The following RARS2 variants were observed in gnomAD, a reference collection of about 807,000 sequenced individuals.
RARS2 encodes the protein arginyl-tRNA synthetase 2, mitochondrial, also known as probable arginine--tRNA ligase, mitochondrial.
A neutral mutation model predicts 88.5 loss-of-function variants in RARS2; 67 were observed. That is an observed-to-expected ratio of 0.76 (90% CI 0.62 to 0.93). RARS2 has a LOEUF of 0.93. RARS2 is among the 40% of genes least tolerant of loss of function. The pLI is 0.00. For missense variants in RARS2, 664 were observed against 684.2 expected (o/e 0.97, Z 0.33); for synonymous variants, 239 against 230.3 (o/e 1.04, Z -0.34).
At chr6:87,521,551 A>C (rs1229513028) in intron 11 of RARS2, 27 bp from the exon 12 acceptor site, 5 of 1,579,856 alleles carry the variant, frequency 3.2e-6, no homozygotes, top group Non-Finnish European at 3.5e-6. Context: ...ATAAACCAAG[A>C]GTTACTAAGC....
At chr6:87,569,382 A>G in intron 2 of RARS2, 135 bp downstream of exon 2, 2 of 697,896 alleles carry the variant, frequency 2.9e-6, no homozygotes, top group South Asian at 3.4e-5. Context: ...TAGGCTGAGT[A>G]TAATGAATCA....
At chr6:87,541,443 C>T (rs1462789577) in intron 8 of RARS2, among the ~76,000 whole-genome samples, 1 of 152,100 alleles carries the variant, frequency 6.6e-6, no homozygotes, top group Admixed American at 6.6e-5. Flanking sequence ...TCCCAAAGTG[C>T]TGGGATGCAA....
chr6:87,570,681 A>G (rs1415942167), intron 1 of RARS2, among the ~76,000 whole-genome samples: 3 of 152,082 alleles, frequency 2.0e-5, no homozygotes, highest in Admixed American at 2.0e-4. Context: ...CAGACTCCCA[A>G]AATGTTGACA....
Position 87,555,474 on chromosome 6 carries a change from G to C in RARS2, c.329C>G (p.Ser110Ter). The C allele has an allele frequency of 6.2e-7, 1 of 1,613,792 alleles. No individual in the cohort carries two copies. Among genetic ancestry groups the C allele is most frequent in the Non-Finnish European group, 8.5e-7 (1 of 1,179,806 alleles). Residue 110 changes from serine (S) to a stop codon, truncating the protein, a stop_gained, in exon 5 of 20, where the codon TCA becomes TGA. Transcript: ENST00000369536. LOFTEE classifies it high-confidence loss of function. ...TVLQQVIEDG[S>*]KYGLKSELFS... ...AAGTTCACTTTTTAATCCATATTTT[G>C]AGCCATCTTCAATTACTTGTTGTAG... is the stretch of plus-strand genomic sequence containing the variant.
At chr6:87,589,694 C>T (rs1776409712) in intron 1 of RARS2, 11 of 985,210 alleles carry the variant, frequency 1.1e-5, no homozygotes, top group Non-Finnish European at 1.3e-5. Flanking sequence ...AAGAAAGCAC[C>T]AGGTACCTTT....
chr6:87,522,539 C>G (rs1774263290), intron 11 of RARS2, among the ~76,000 whole-genome samples: 2 of 152,120 alleles, frequency 1.3e-5, no homozygotes, highest in South Asian at 4.2e-4. Flanking sequence ...ACTGGAAAGA[C>G]TGAAAAAATT....
intron 1 of RARS2, among the ~76,000 whole-genome samples, chr6:87,572,621 G>A (rs1042077588): frequency 2.0e-5 from 3 of 151,550 alleles, no homozygotes; most frequent in South Asian, 2.1e-4. Context: ...GGAGTGCAGC[G>A]GCTCACAATC....
chr6:87,584,732 A>T, intron 1 of RARS2: 1 of 461,700 alleles, frequency 2.2e-6, no homozygotes, highest in Non-Finnish European at 4.4e-6. Context: ...GAAACATTTA[A>T]TATGGATTTA....
At chr6:87,518,345 C>T in intron 16 of RARS2, 81 bp from the exon 17 acceptor site, 1 of 1,602,642 alleles carries the variant, frequency 6.2e-7, no homozygotes, top group Non-Finnish European at 8.5e-7. Flanking sequence ...ATGAACATGA[C>T]CTTATAATAC....
chr6:87,555,536 C>T lies in RARS2; in HGVS notation c.298-31G>A, dbSNP rs374196257. ...AATTAAAGGACTGTAATTTAATGAACAAAAATTACAATGCTTTTAATTACT... is the reference window on the plus strand; with the variant it reads ...AATTAAAGGACTGTAATTTAATGAATAAAAATTACAATGCTTTTAATTACT... On this transcript the variant is annotated intron_variant, in intron 4 of 19. Coordinates refer to ENST00000369536, the MANE Select transcript of RARS2 (RefSeq NM_020320.5). 17 of 1,461,790 alleles carry T rather than the reference C, an allele frequency of 1.2e-5. No homozygotes were observed. The African/African-American group carries it at 1.5e-4, about 13-fold the overall frequency. The allele number at this position is 1,461,790 out of a possible 1,614,324, so 90.6% of individuals were successfully genotyped here. A position where few individuals can be genotyped will look rare whatever the true frequency, so the allele number is the denominator to read the frequency against.
At chr6:87,528,685 A>C (rs1763304594) in intron 10 of RARS2, among the ~76,000 whole-genome samples, 1 of 152,232 alleles carries the variant, frequency 6.6e-6, no homozygotes, top group Non-Finnish European at 1.5e-5. Context: ...CTAAAAAATT[A>C]TAATCATAGA....
intron 1 of RARS2, among the ~76,000 whole-genome samples, chr6:87,581,692 C>A (rs928450953): frequency 5.3e-5 from 8 of 152,242 alleles, no homozygotes; most frequent in African/African-American, 1.7e-4. Context: ...CACCTATCAA[C>A]CCATCACCTA....
chr6:87,573,359 G>A (rs897428153), intron 1 of RARS2, among the ~76,000 whole-genome samples: 6 of 152,190 alleles, frequency 3.9e-5, no homozygotes, highest in African/African-American at 1.4e-4. Context: ...CCATCCCCAT[G>A]ATCCAATCAC....
At chr6:87,566,934 C>G (rs1291663755) in intron 2 of RARS2, among the ~76,000 whole-genome samples, 6 of 150,992 alleles carry the variant, frequency 4.0e-5, no homozygotes, top group African/African-American at 1.5e-4. Context: ...CATGGTGGCT[C>G]AAGCCTGTAA....
rs1777341731 is a variant in RARS2, at chr6:87,530,960, CA to C, written c.613-19del. 1.9e-6 allele frequency: 3 copies of C among 1,613,592 alleles called. No individual in the cohort carries two copies. The East Asian group carries it at 6.7e-5, about 36-fold the overall frequency. On this transcript the variant is annotated intron_variant, in intron 8 of 19. Coordinates refer to ENST00000369536, the MANE Select transcript of RARS2 (RefSeq NM_020320.5). ...ACATAAACCTAAAAGTACAATAGTA[CA>C]TTAAATGAAGTACATAACAGGTCAT...
intron 18 of RARS2, chr6:87,515,727 G>C (rs898410556): frequency 3.3e-5 from 5 of 152,134 alleles, no homozygotes; most frequent in Non-Finnish European, 7.3e-5. Context: ...AGGTATGGCA[G>C]CAAGTATAAC....
Position 87,562,755 on chromosome 6 carries a change from T to C in RARS2, c.244A>G (p.Ser82Gly). The change falls in exon 4 of 20, where the codon AGT becomes GGT. Residue 82 changes from serine to glycine, a missense_variant. By Grantham distance (56) the Ser-to-Gly change is moderately conservative. Coordinates refer to ENST00000369536, the MANE Select transcript of RARS2 (RefSeq NM_020320.5). ...LRCDTVVSEISTGQRTVNFKI... is the reference protein window; with the variant it reads ...LRCDTVVSEIGTGQRTVNFKI... ...AAATTTACAGTCCTTTGACCAGTACTGATTTCACTCACCACTGTATCACAT... is the reference window on the plus strand; with the variant it reads ...AAATTTACAGTCCTTTGACCAGTACCGATTTCACTCACCACTGTATCACAT... 1 of 1,613,756 alleles carries C rather than the reference T, an allele frequency of 6.2e-7. No individual in the cohort carries two copies. Among genetic ancestry groups the C allele is most frequent in the Non-Finnish European group, 8.5e-7 (1 of 1,179,648 alleles).
At chr6:87,587,989 G>T (rs1433767765) in intron 1 of RARS2, among the ~76,000 whole-genome samples, 1 of 152,022 alleles carries the variant, frequency 6.6e-6, no homozygotes, top group Non-Finnish European at 1.5e-5. Flanking sequence ...GCCCAGGCTG[G>T]TCTTGAACGT....
chr6:87,577,523 A>C (rs1771936456), intron 1 of RARS2, among the ~76,000 whole-genome samples: 1 of 152,148 alleles, frequency 6.6e-6, no homozygotes, highest in African/African-American at 2.4e-5. Context: ...TAATTTTCTA[A>C]AGATTAAGCC....
Sources: allele counts gnomAD v4.1 joint callset (sites outside exome capture counted in the v4.1 genomes callset), GRCh38; gene constraint gnomAD v4.1.1; transcripts MANE v1.5; gene names NCBI Gene and HGNC (gene_info 2026-07-23, HGNC 2026-07-21).